The following NHLRC2 variants were observed in gnomAD, a reference collection of about 807,000 sequenced individuals.
The protein encoded by NHLRC2 is NHL repeat-containing protein 2.
NHLRC2 carries 33 observed loss-of-function variants against 68.1 expected under a neutral mutation model. That is an observed-to-expected ratio of 0.48 (90% CI 0.37 to 0.65). NHLRC2 has a LOEUF of 0.65. Ranked by LOEUF, NHLRC2 falls within the 30% of genes least tolerant of loss-of-function variation. NHLRC2 has a pLI of 0.00. For synonymous variants in NHLRC2, 311 were observed against 309.6 expected (o/e 1.00, Z -0.05); for missense variants, 761 against 853.8 (o/e 0.89, Z 1.35).
Position 113,905,049 on chromosome 10 carries a change from G to C in NHLRC2, c.1924+13G>C, listed in dbSNP as rs772978977. On this transcript the variant is annotated intron_variant, in intron 10 of 10. Coordinates refer to ENST00000369301, the MANE Select transcript of NHLRC2 (RefSeq NM_198514.4). The stretch of plus-strand genomic sequence containing the variant: ...CTAACAGCTGAAGGTATGAGTATAA[G>C]CTTGCAAATACTAATACATCATATA... 11 of 1,333,912 alleles carry C rather than the reference G, an allele frequency of 8.2e-6. No individual in the cohort carries two copies. 82.6% of individuals were successfully genotyped at this position (1,333,912 alleles called of 1,614,324 possible). A position where few individuals can be genotyped will look rare whatever the true frequency, so the allele number is the denominator to read the frequency against.
chr10:113,904,775 T>C lies in NHLRC2; in HGVS notation c.1705-42T>C, dbSNP rs184627293. 4.4e-4 allele frequency: 620 copies of C among 1,402,756 alleles called. 3 individuals carry two copies. The African/African-American group carries it at 7.2e-3, about 16-fold the overall frequency. The allele number at this position is 1,402,756 out of a possible 1,614,324, so 86.9% of individuals were successfully genotyped here. On this transcript the variant is annotated intron_variant, in intron 9 of 10. Transcript: ENST00000369301. ...ATATGCTCTCATTCTATAATTAATA[T>C]AAAGTTCTTGTGTTTTAATAACAGA... is the stretch of plus-strand genomic sequence containing the variant.
At chr10:113,865,627 G>A (rs1030762450) in intron 2 of NHLRC2, among the ~76,000 whole-genome samples, 1 of 146,310 alleles carries the variant, frequency 6.8e-6, no homozygotes, top group African/African-American at 2.5e-5. Context: ...TTAAGTTCTG[G>A]GATACATGTG....
chr10:113,904,956 A>T lies in NHLRC2; in HGVS notation c.1844A>T (p.Gln615Leu). The change falls in exon 10 of 11, where the codon CAG (glutamine) becomes CTG (leucine). Residue 615 changes from glutamine to leucine, a missense_variant. Gln to Leu is a moderately radical substitution (Grantham distance 113). Coordinates refer to ENST00000369301, the MANE Select transcript of NHLRC2 (RefSeq NM_198514.4). ...ACTGCGTGTGCTGGCCAGACTCTTC[A>T]GTTCAAACTCAGATTAGACCTCCCA... ...PVTACAGQTL[Q>L]FKLRLDLPSG... 1 of 1,582,532 alleles carries T rather than the reference A, an allele frequency of 6.3e-7. No homozygotes were observed. The highest frequency in any genetic ancestry group is 8.6e-7 in the Non-Finnish European group (1 of 1,167,952).
At chr10:113,887,920 C>A (rs1846096886) in intron 5 of NHLRC2, among the ~76,000 whole-genome samples, 1 of 151,372 alleles carries the variant, frequency 6.6e-6, no homozygotes, top group Non-Finnish European at 1.5e-5. Flanking sequence ...TATGATCTTA[C>A]TTGTGGAATC....
intron 1 of NHLRC2, 57 bp downstream of exon 1, chr10:113,855,107 C>T: frequency 3.5e-6 from 5 of 1,432,526 alleles, no homozygotes; most frequent in Non-Finnish European, 4.8e-6. Flanking sequence ...TCCTCGGGGA[C>T]GGCGCCCTCC....
rs569356553 is a variant in NHLRC2, at chr10:113,908,635, T to A, written c.*99T>A. 323 of 1,110,590 alleles carry A rather than the reference T, an allele frequency of 2.9e-4. No homozygotes were observed. The highest frequency in any genetic ancestry group is 3.9e-4 in the Non-Finnish European group (294 of 761,888). The allele number at this position is 1,110,590 out of a possible 1,614,324, so 68.8% of individuals were successfully genotyped here. ...AGAAAACTTCAGTTCTGCCTCTGGA[T>A]ACCAAGATGCCCATTGCTCAGTTCA... is the stretch of plus-strand genomic sequence containing the variant. On this transcript the variant is annotated 3_prime_UTR_variant, in exon 11 of 11. Transcript: ENST00000369301.
At chr10:113,886,127 A>G (rs1014842305) in intron 5 of NHLRC2, among the ~76,000 whole-genome samples, 1 of 152,118 alleles carries the variant, frequency 6.6e-6, no homozygotes, top group African/African-American at 2.4e-5. Flanking sequence ...TATGGAAACA[A>G]TTTCATTGAC....
chr10:113,893,313 G>T (rs1846149393), intron 5 of NHLRC2, among the ~76,000 whole-genome samples: 3 of 152,176 alleles, frequency 2.0e-5, no homozygotes, highest in Admixed American at 2.0e-4. Flanking sequence ...GAACCAAATA[G>T]TTCCTTCATT....
intron 1 of NHLRC2, 141 bp from the exon 2 acceptor site, chr10:113,858,387 C>G: frequency 1.7e-6 from 1 of 577,002 alleles, no homozygotes; most frequent in East Asian, 2.9e-5. Context: ...CATGCAACTG[C>G]CACAGCCTTT....
At chr10:113,872,542 T>G (rs1026740908) in intron 2 of NHLRC2, among the ~76,000 whole-genome samples, 18 of 148,684 alleles carry the variant, frequency 1.2e-4, no homozygotes, top group African/African-American at 4.0e-4. Flanking sequence ...CATTTAGGAA[T>G]AATGAAAAAA....
chr10:113,901,492 T>G (rs1846228702), intron 6 of NHLRC2, among the ~76,000 whole-genome samples, 174 bp from the exon 7 acceptor site: 1 of 152,238 alleles, frequency 6.6e-6, no homozygotes, highest in South Asian at 2.1e-4. Flanking sequence ...AGTTAATGGT[T>G]GGAAAAATGA....
At position 113,854,719 on chromosome 10, in the gene NHLRC2, C is replaced by G. The variant is rs1845723143; in HGVS notation, c.-154C>G. On this transcript the variant is annotated 5_prime_UTR_variant, in exon 1 of 11. Coordinates refer to ENST00000369301, the MANE Select transcript of NHLRC2 (RefSeq NM_198514.4). ...TGGACTTTTGGCACTTGGACCTATG[C>G]TTTAAAAAGAAAAAAGTGTCATTGG... 1.6e-5 allele frequency: 10 copies of G among 629,424 alleles called. No homozygotes were observed. The highest frequency in any genetic ancestry group is 1.9e-5 in the African/African-American group (1 of 52,900). 39.0% of individuals were successfully genotyped at this position (629,424 alleles called of 1,614,324 possible). A position where few individuals can be genotyped will look rare whatever the true frequency, so the allele number is the denominator to read the frequency against.
rs372304984 is a variant in NHLRC2, at chr10:113,915,647, T to C, written c.*7111T>C. ...TTTTTTTTCCCTTCCCATTTTTTTG[T>C]TTTTAAGAGATAGGGTCTTGCTGTG... On this transcript the variant is annotated 3_prime_UTR_variant, in exon 11 of 11. Transcript: ENST00000369301. 8.3e-5 allele frequency: 20 copies of C among 240,460 alleles called. No homozygotes were observed. In the East Asian group the frequency reaches 1.6e-3, roughly 20 times the overall value. 14.9% of individuals were successfully genotyped at this position (240,460 alleles called of 1,614,324 possible).
intron 5 of NHLRC2, among the ~76,000 whole-genome samples, chr10:113,891,963 G>T (rs1001427783): frequency 3.9e-5 from 6 of 152,180 alleles, no homozygotes; most frequent in African/African-American, 1.4e-4. Context: ...ACTCTGCTTG[G>T]TGTCAGTAGA....
At chr10:113,867,930 T>C (rs1845884026) in intron 2 of NHLRC2, among the ~76,000 whole-genome samples, 1 of 152,096 alleles carries the variant, frequency 6.6e-6, no homozygotes, top group Admixed American at 6.6e-5. Flanking sequence ...TTTAAAAATA[T>C]GTATTTTAAA....
intron 2 of NHLRC2, among the ~76,000 whole-genome samples, chr10:113,859,109 A>G (rs887824453): frequency 1.3e-5 from 2 of 152,138 alleles, no homozygotes; most frequent in Non-Finnish European, 2.9e-5. Context: ...GAATGACATG[A>G]ACTGCAGTGG....
chr10:113,859,969 T>C (rs1019793225), intron 2 of NHLRC2, among the ~76,000 whole-genome samples: 4 of 152,156 alleles, frequency 2.6e-5, no homozygotes, highest in African/African-American at 9.7e-5. Flanking sequence ...AAGCATGGAA[T>C]CACAGAGGAG....
rs1166883832 is a variant in NHLRC2, at chr10:113,913,847, G to GTTTTTTTTTT, written c.*5320_*5329dup. 8.2e-6 allele frequency: 1 copy of GTTTTTTTTTT among 121,524 alleles called. No individual in the cohort carries two copies. The highest frequency in any genetic ancestry group is 3.1e-5 in the African/African-American group (1 of 32,394). The allele number at this position is 121,524 out of a possible 1,614,324, so 7.5% of individuals were successfully genotyped here. A position where few individuals can be genotyped will look rare whatever the true frequency, so the allele number is the denominator to read the frequency against. On this transcript the variant is annotated 3_prime_UTR_variant, in exon 11 of 11. Transcript: ENST00000369301. The stretch of plus-strand genomic sequence containing the variant: ...AGGTACTTTTTGTTGTTGTTGTTTT[G>GTTTTTTTTTT]TTTTTTTTTTTTTTTTTTGAGATGG...
At chr10:113,869,686 A>T (rs1164720287) in intron 2 of NHLRC2, among the ~76,000 whole-genome samples, 1 of 152,182 alleles carries the variant, frequency 6.6e-6, no homozygotes, top group Non-Finnish European at 1.5e-5. Context: ...TATATTTATC[A>T]GTAGGAAAAT....
Sources: gnomAD v4.1 joint callset for allele counts (sites outside exome capture counted in the v4.1 genomes callset) on GRCh38, gnomAD v4.1.1 for gene constraint, MANE v1.5 for transcripts, NCBI Gene and HGNC (gene_info 2026-07-23, HGNC 2026-07-21) for gene names.